The following RGL1 variants were observed in gnomAD, a reference collection of about 807,000 sequenced individuals.
RGL1 encodes the protein ral guanine nucleotide dissociation stimulator-like 1.
RGL1 carries 24 observed loss-of-function variants against 95.2 expected under a neutral mutation model. That is an observed-to-expected ratio of 0.25 (90% CI 0.18 to 0.35). RGL1 has a LOEUF of 0.35. Ranked by LOEUF, RGL1 falls within the 10% of genes least tolerant of loss-of-function variation. The probability of loss-of-function intolerance (pLI) is 1.00; values close to 1 mark genes in which losing one functional copy is unlikely to be tolerated. For synonymous variants in RGL1, 329 were observed against 344.9 expected, an observed-to-expected ratio of 0.95 and a Z score of 0.51; for missense variants, 715 against 936.3, an observed-to-expected ratio of 0.76 and a Z score of 3.08.
chr1:183,803,977 T>C (rs1661133786), upstream of RGL1, among the ~76,000 whole-genome samples: 1 of 152,222 alleles, frequency 6.6e-6, no homozygotes, highest in Admixed American at 6.5e-5. Context: ...GATGGTGCCC[T>C]TAGGTTCTGG....
intron 2 of RGL1, among the ~76,000 whole-genome samples, chr1:183,746,222 G>T (rs2148621): frequency 0.46 from 69,282 of 151,760 alleles, 16,897 homozygotes; most frequent in East Asian, 0.8. Flanking sequence ...CCCTGCAAAG[G>T]TACCCATCTT....
intron 2 of RGL1, among the ~76,000 whole-genome samples, chr1:183,780,541 AG>A (rs1009346809): frequency 3.9e-5 from 6 of 152,180 alleles, no homozygotes; most frequent in African/African-American, 1.4e-4. Flanking sequence ...TTGGATGGTG[AG>A]TGAGAAGAGG....
intron 2 of RGL1, among the ~76,000 whole-genome samples, chr1:183,756,847 CTAG>C (rs202077940): frequency 0.025 from 3,743 of 152,230 alleles, 69 homozygotes; most frequent in South Asian, 0.047. Flanking sequence ...ACTGGTACTA[CTAG>C]ACACAGGTTG....
At chr1:183,803,746 C>T (rs1661115446), upstream of RGL1, among the ~76,000 whole-genome samples, 1 of 152,114 alleles carries the variant, frequency 6.6e-6, no homozygotes, top group African/African-American at 2.4e-5. Context: ...TCGTGGTGTC[C>T]AAGATCACCT....
intron 2 of RGL1, among the ~76,000 whole-genome samples, chr1:183,835,933 G>A (rs1663619025): frequency 6.6e-6 from 1 of 152,148 alleles, no homozygotes; most frequent in South Asian, 2.1e-4. Context: ...ATACCGTATT[G>A]CTTTGTGTTT....
At chr1:183,790,188 A>C (rs542959500) in intron 2 of RGL1, among the ~76,000 whole-genome samples, 1 of 152,030 alleles carries the variant, frequency 6.6e-6, no homozygotes, top group South Asian at 2.1e-4. Flanking sequence ...CAGCCTCCCA[A>C]AGTGTTGGGA....
intron 2 of RGL1, among the ~76,000 whole-genome samples, chr1:183,835,546 C>T (rs4388664): frequency 0.18 from 27,802 of 152,076 alleles, 4,087 homozygotes; most frequent in African/African-American, 0.4. Flanking sequence ...TTCTTAGACT[C>T]TTAGACTAAA....
At chr1:183,762,754 G>C (rs1452786462) in intron 2 of RGL1, among the ~76,000 whole-genome samples, 1 of 152,186 alleles carries the variant, frequency 6.6e-6, no homozygotes, top group Non-Finnish European at 1.5e-5. Flanking sequence ...ATGCTGGAGA[G>C]GGTGTGGAGA....
chr1:183,785,570 C>T (rs1299535419), intron 2 of RGL1, among the ~76,000 whole-genome samples: 1 of 152,074 alleles, frequency 6.6e-6, no homozygotes, highest in Non-Finnish European at 1.5e-5. Context: ...CTGTATTGAT[C>T]TTTATGTCAT....
At chr1:183,828,597 G>C (rs1663045250) in intron 2 of RGL1, among the ~76,000 whole-genome samples, 1 of 152,214 alleles carries the variant, frequency 6.6e-6, no homozygotes, top group Non-Finnish European at 1.5e-5. Flanking sequence ...ATGTGACCAG[G>C]TGGATTGCTT....
In RGL1 at chr1:183,916,493, C is replaced by G; in HGVS notation, c.1796C>G (p.Thr599Arg). 1.5e-5 allele frequency: 24 copies of G among 1,614,032 alleles called. No homozygotes were observed. Among genetic ancestry groups the G allele is most frequent in the Non-Finnish European group, 2.0e-5 (24 of 1,179,992 alleles). The change falls in exon 16 of 18, where the codon ACA becomes AGA. Residue 599 changes from threonine to arginine, a missense_variant. Transcript: ENST00000360851. ...TGTTCTTCTATCCATTCCATGGACACAAATTCCTCAGGGATGTCTTCCTTA... is the reference window on the plus strand; with the variant it reads ...TGTTCTTCTATCCATTCCATGGACAGAAATTCCTCAGGGATGTCTTCCTTA... The part of the protein sequence containing the change: ...SSCSSIHSMD[T>R]NSSGMSSLIN...
chr1:183,911,443 G>A (rs1668636648), intron 14 of RGL1, among the ~76,000 whole-genome samples: 1 of 152,104 alleles, frequency 6.6e-6, no homozygotes, highest in African/African-American at 2.4e-5. Context: ...TTTGGGCCCT[G>A]GGTGTGCATT....
chr1:183,667,991 A>G (rs1652158661), intron 1 of RGL1, among the ~76,000 whole-genome samples: 1 of 104,658 alleles, frequency 9.6e-6, no homozygotes. Flanking sequence ...TTTTACTTAC[A>G]TGCTTATATA....
chr1:183,643,890 A>G (rs1650112293), intron 1 of RGL1, among the ~76,000 whole-genome samples: 1 of 152,228 alleles, frequency 6.6e-6, no homozygotes, highest in Admixed American at 6.5e-5. Flanking sequence ...TCCCAGATTT[A>G]GTACATCCCT....
intron 1 of RGL1, among the ~76,000 whole-genome samples, chr1:183,678,028 T>A (rs1249344360): frequency 2.0e-5 from 3 of 152,216 alleles, no homozygotes; most frequent in Non-Finnish European, 4.4e-5. Context: ...TAGTCCTTAT[T>A]TAAAATATCA....
At chr1:183,801,854 GCT>G (rs542126731), upstream of RGL1, among the ~76,000 whole-genome samples, 10 of 152,248 alleles carry the variant, frequency 6.6e-5, no homozygotes, top group South Asian at 4.2e-4. Flanking sequence ...GTAACAATCA[GCT>G]CTCACTGGAA....
intron 1 of RGL1, among the ~76,000 whole-genome samples, chr1:183,736,183 T>C (rs183781640): frequency 7.9e-5 from 12 of 152,344 alleles, no homozygotes; most frequent in African/African-American, 2.6e-4. Flanking sequence ...TTTTGAGTAG[T>C]GAATGCATAA....
At chr1:183,728,833 A>C (rs1317215779) in intron 1 of RGL1, among the ~76,000 whole-genome samples, 1 of 152,210 alleles carries the variant, frequency 6.6e-6, no homozygotes, top group African/African-American at 2.4e-5. Flanking sequence ...ATAGACGAGC[A>C]TGTGTATGGC....
chr1:183,790,167 T>C (rs1572414347), intron 2 of RGL1, among the ~76,000 whole-genome samples: 1 of 152,116 alleles, frequency 6.6e-6, no homozygotes, highest in South Asian at 2.1e-4. Flanking sequence ...CATCAAGTGA[T>C]GCACCTGCCT....
Sources: gnomAD v4.1 joint callset for allele counts (sites outside exome capture counted in the v4.1 genomes callset) on GRCh38, gnomAD v4.1.1 for gene constraint, MANE v1.5 for transcripts, NCBI Gene and HGNC (gene_info 2026-07-23, HGNC 2026-07-21) for gene names.